Variants in DOK6 observed in about 807,000 individuals in gnomAD.
The protein encoded by DOK6 is downstream of tyrosine kinase 6.
In DOK6, 22 loss-of-function variants were observed where a neutral mutation model predicts 44.0. The observed-to-expected ratio is 0.50, with a 90% CI of 0.36 to 0.71. The LOEUF (loss-of-function observed/expected upper bound fraction) is 0.71. Among genes scored for constraint, DOK6 ranks in the 30% least tolerant of loss-of-function variants. The probability of loss-of-function intolerance (pLI) is 0.00; values close to 1 mark genes in which losing one functional copy is unlikely to be tolerated. For missense variants in DOK6, 340 were observed against 416.4 expected (o/e 0.82, Z 1.60); for synonymous variants, 166 against 145.5 (o/e 1.14, Z -1.01).
chr18:69,687,410 G>A (rs950280428), intron 4 of DOK6, among the ~76,000 whole-genome samples: 1 of 151,170 alleles, frequency 6.6e-6, no homozygotes, highest in African/African-American at 2.4e-5. Context: ...CAGGCATGAC[G>A]GTGGCTCACA....
intron 5 of DOK6, among the ~76,000 whole-genome samples, chr18:69,716,605 A>T (rs897549254): frequency 2.7e-5 from 4 of 149,836 alleles, no homozygotes; most frequent in African/African-American, 9.9e-5. Flanking sequence ...TTGTTTCAGA[A>T]CCCTTATTGC....
intron 1 of DOK6, among the ~76,000 whole-genome samples, chr18:69,561,035 G>T (rs115139825): frequency 3.0e-4 from 46 of 152,266 alleles, no homozygotes; most frequent in African/African-American, 1.0e-3. Context: ...TAGGAAAAAA[G>T]TGTCCCTTCA....
At chr18:69,643,814 A>G (rs1985003255) in intron 3 of DOK6, 2 of 152,226 alleles carry the variant, frequency 1.3e-5, no homozygotes, top group South Asian at 4.1e-4. Flanking sequence ...TAGTTTTATA[A>G]GAAAGTGTCG....
rs866206407 is a variant in DOK6 at position 69,429,663 on chromosome 18, A to C, written c.66+28353A>C. Among the ~76,000 whole-genome samples the C allele has an allele frequency of 1.5e-3, 167 of 110,098 alleles. 1 individual carries two copies. The highest frequency in any genetic ancestry group is 2.9e-3 in the South Asian group (10 of 3,488). 72.2% of individuals were successfully genotyped at this position (110,098 alleles called of 152,430 possible). A position where few individuals can be genotyped will look rare whatever the true frequency, so the allele number is the denominator to read the frequency against. On this transcript the variant is annotated intron_variant, in intron 1 of 7. Coordinates refer to ENST00000382713, the MANE Select transcript of DOK6 (RefSeq NM_152721.6). ...TATATATATATATATATATATATAT[A>C]TCTTATTAATACAACTCAAGGTCTT...
chr18:69,494,391 G>A (rs887046406), intron 1 of DOK6, among the ~76,000 whole-genome samples: 1 of 152,102 alleles, frequency 6.6e-6, no homozygotes, highest in African/African-American at 2.4e-5. Context: ...CACAAGAATT[G>A]CTTGAACCCA....
At chr18:69,594,588 G>T in intron 2 of DOK6, among the ~76,000 whole-genome samples, 1 of 87,644 alleles carries the variant, frequency 1.1e-5, no homozygotes, top group African/African-American at 3.6e-5. Flanking sequence ...GAGCAAACAG[G>T]CAAAAAAAAA....
At chr18:69,449,507 A>G (rs1979394891) in intron 1 of DOK6, among the ~76,000 whole-genome samples, 1 of 152,234 alleles carries the variant, frequency 6.6e-6, no homozygotes, top group African/African-American at 2.4e-5. Flanking sequence ...TTTAATAGCA[A>G]AACTTTATTG....
chr18:69,483,102 T>A (rs753063167), intron 1 of DOK6, among the ~76,000 whole-genome samples: 1 of 151,878 alleles, frequency 6.6e-6, no homozygotes, highest in Non-Finnish European at 1.5e-5. Context: ...TGTTTTCTCA[T>A]CATTTAGCTC....
At chr18:69,482,145 T>C (rs1300693972) in intron 1 of DOK6, among the ~76,000 whole-genome samples, 2 of 152,208 alleles carry the variant, frequency 1.3e-5, no homozygotes, top group African/African-American at 4.8e-5. Flanking sequence ...ATGAGTAGAT[T>C]GCAAAAATTT....
chr18:69,465,857 A>G (rs559122796), intron 1 of DOK6, among the ~76,000 whole-genome samples: 2 of 152,282 alleles, frequency 1.3e-5, no homozygotes, highest in South Asian at 4.1e-4. Flanking sequence ...GTATTTTCTA[A>G]TAAAGTTATT....
chr18:69,509,662 A>AAAAAAC (rs1555708299), intron 1 of DOK6, among the ~76,000 whole-genome samples: 1 of 118,112 alleles, frequency 8.5e-6, no homozygotes. Context: ...AAAAAAAAAA[A>AAAAAAC]ACACACAAGT....
At chr18:69,465,749 T>C (rs1979908813) in intron 1 of DOK6, among the ~76,000 whole-genome samples, 2 of 152,092 alleles carry the variant, frequency 1.3e-5, no homozygotes, top group African/African-American at 4.8e-5. Flanking sequence ...CTATTGTGAA[T>C]AGTGCCGCAA....
In DOK6 at chr18:69,841,493, C is replaced by T. The variant is rs910961424; in HGVS notation, c.*110C>T. On this transcript the variant is annotated 3_prime_UTR_variant, in exon 8 of 8. Coordinates refer to ENST00000382713, the MANE Select transcript of DOK6 (RefSeq NM_152721.6). ...AATTGCAGTACAAATTGAAATGGGT[C>T]GGCTCTAGCCCCAGTCCCATTGGAA... 27 of 1,455,588 alleles carry T rather than the reference C, an allele frequency of 1.9e-5. No homozygotes were observed. Among genetic ancestry groups the T allele is most frequent in the Middle Eastern group, 2.3e-4 (1 of 4,376 alleles). 90.2% of individuals were successfully genotyped at this position (1,455,588 alleles called of 1,614,324 possible).
At chr18:69,636,183 T>C (rs1984804135) in intron 3 of DOK6, among the ~76,000 whole-genome samples, 1 of 152,230 alleles carries the variant, frequency 6.6e-6, no homozygotes, top group Admixed American at 6.5e-5. Flanking sequence ...GGACTGATTA[T>C]TGGACCATGG....
At chr18:69,792,231 T>C (rs1215540823) in intron 7 of DOK6, among the ~76,000 whole-genome samples, 1 of 152,104 alleles carries the variant, frequency 6.6e-6, no homozygotes, top group Non-Finnish European at 1.5e-5. Flanking sequence ...CTTTGGCTAT[T>C]CTGTATCTTT....
At chr18:69,560,823 A>T (rs1599192595) in intron 1 of DOK6, among the ~76,000 whole-genome samples, 1 of 152,268 alleles carries the variant, frequency 6.6e-6, no homozygotes, top group East Asian at 1.9e-4. Flanking sequence ...AGAGAGATAA[A>T]TGCCTTGCCC....
At chr18:69,501,068 C>T (rs1380323138) in intron 1 of DOK6, among the ~76,000 whole-genome samples, 3 of 151,948 alleles carry the variant, frequency 2.0e-5, no homozygotes, top group African/African-American at 7.3e-5. Context: ...TGAACAAACA[C>T]AAAAGATGGA....
chr18:69,571,478 G>T (rs530425862), intron 2 of DOK6, among the ~76,000 whole-genome samples: 5 of 152,014 alleles, frequency 3.3e-5, no homozygotes, highest in African/African-American at 7.2e-5. Flanking sequence ...CTAACAATAG[G>T]CTGTCTACAA....
chr18:69,733,056 T>A (rs147355797), intron 5 of DOK6, among the ~76,000 whole-genome samples: 1 of 152,090 alleles, frequency 6.6e-6, no homozygotes, highest in East Asian at 1.9e-4. Context: ...GAGAGAGGCA[T>A]GGCAGTGTAC....
Sources: gnomAD v4.1 joint callset for allele counts (sites outside exome capture counted in the v4.1 genomes callset) on GRCh38, gnomAD v4.1.1 for gene constraint, MANE v1.5 for transcripts, NCBI Gene and HGNC (gene_info 2026-07-23, HGNC 2026-07-21) for gene names.